The following PARP1 variants were observed in gnomAD, a reference collection of about 807,000 sequenced individuals.
PARP1 encodes poly(ADP-ribose) polymerase 1.
A neutral mutation model predicts 118.7 loss-of-function variants in PARP1; 44 were observed. That is an observed-to-expected ratio of 0.37 (90% confidence interval 0.29 to 0.48). PARP1 has a LOEUF of 0.48. PARP1 is among the 20% of genes least tolerant of loss of function. PARP1 has a pLI of 0.99. For synonymous variants in PARP1, 492 were observed against 483.2 expected (o/e 1.02, Z -0.24); for missense variants, 1,100 against 1,272.4 (o/e 0.86, Z 2.06).
Position 226,365,975 on chromosome 1 carries a change from C to T in PARP1, c.2484G>A (p.Ala828=), listed in dbSNP as rs140555704. The T allele has an allele frequency of 9.9e-5, 159 of 1,610,870 alleles. 1 individual carries two copies. The highest frequency in any genetic ancestry group is 6.6e-4 in the Middle Eastern group (4 of 6,054). The stretch of plus-strand genomic sequence containing the variant: ...TTACATCGATGACTTCCAAGTCATA[C>T]GCATTGTGTGTGGTTGCATGAGTGT... ...VKNTHATTHN[A]YDLEVIDIFK... The change falls in exon 18 of 23, where the codon GCG becomes GCA. Residue 828 remains alanine (A), a synonymous_variant. Coordinates refer to ENST00000366794, the MANE Select transcript of PARP1 (RefSeq NM_001618.4).
At chr1:226,371,907 C>T (rs1267278360) in intron 14 of PARP1, among the ~76,000 whole-genome samples, 1 of 152,250 alleles carries the variant, frequency 6.6e-6, no homozygotes, top group Non-Finnish European at 1.5e-5. Flanking sequence ...CACAGGCCGC[C>T]CTCACTACTG....
intron 7 of PARP1, among the ~76,000 whole-genome samples, chr1:226,384,008 G>A (rs1025339516): frequency 6.6e-6 from 1 of 152,258 alleles, no homozygotes; most frequent in Non-Finnish European, 1.5e-5. Flanking sequence ...ATTCGTGACT[G>A]AGCATCAGCT....
intron 7 of PARP1, among the ~76,000 whole-genome samples, chr1:226,384,736 C>T (rs11808699): frequency 1.3e-5 from 2 of 152,186 alleles, no homozygotes; most frequent in African/African-American, 4.8e-5. Flanking sequence ...TGGCAGTGAA[C>T]AAGTGAGCCA....
rs1262677082 is a variant in PARP1 at position 226,402,329 on chromosome 1, G to A, written c.171C>T (p.Phe57=). Residue 57 remains phenylalanine, a synonymous_variant, in exon 2 of 23, where the codon TTC becomes TTT. Coordinates refer to ENST00000366794, the MANE Select transcript of PARP1 (RefSeq NM_001618.4). The part of the protein sequence containing the change: ...KVPHWYHFSC[F]WKVGHSIRHP... ...GCCGGATGGAGTGGCCCACCTTCCA[G>A]AAGCAGGAGAAGTGGTACCAGTGTG... 6.2e-7 allele frequency: 1 copy of A among 1,613,966 alleles called. No homozygotes were observed. Among genetic ancestry groups the A allele is most frequent in the Non-Finnish European group, 8.5e-7 (1 of 1,180,040 alleles).
intron 1 of PARP1, among the ~76,000 whole-genome samples, chr1:226,407,109 G>A (rs1389159372): frequency 1.3e-5 from 2 of 152,136 alleles, no homozygotes; most frequent in African/African-American, 4.8e-5. Flanking sequence ...AACCTCAGAA[G>A]GGGATTCAAT....
rs758628731 is a variant in PARP1 at position 226,385,607 on chromosome 1, A to C, written c.908T>G (p.Val303Gly). 2.5e-6 allele frequency: 4 copies of C among 1,614,152 alleles called. No individual in the cohort carries two copies. The highest frequency in any genetic ancestry group is 3.4e-6 in the Non-Finnish European group (4 of 1,179,986). ...GCAGTAATAGGCATCGCTCTTGAAG[A>C]CCAGCTGACCCGAGCATTCCTCGCA... is the stretch of plus-strand genomic sequence containing the variant. ...LPCEECSGQL[V>G]FKSDAYYCTG... Residue 303 changes from valine (V) to glycine (G), a missense_variant, in exon 7 of 23, where the codon GTC (valine) becomes GGC (glycine). By Grantham distance (109) the Val-to-Gly change is moderately radical. Transcript: ENST00000366794.
intron 2 of PARP1, among the ~76,000 whole-genome samples, chr1:226,397,213 C>G (rs1296808882): frequency 3.3e-5 from 5 of 151,532 alleles, no homozygotes; most frequent in African/African-American, 1.2e-4. Flanking sequence ...CCTAGCTTCT[C>G]CAGAGGCTGA....
chr1:226,402,666 C>A (rs924258638), intron 1 of PARP1, among the ~76,000 whole-genome samples: 6 of 152,262 alleles, frequency 3.9e-5, no homozygotes, highest in Non-Finnish European at 5.9e-5. Context: ...CCTTTTACCA[C>A]TGAGCTCTGC....
chr1:226,396,540 A>G (rs960891266), intron 2 of PARP1, among the ~76,000 whole-genome samples: 2 of 152,158 alleles, frequency 1.3e-5, no homozygotes, highest in African/African-American at 2.4e-5. Context: ...CCACATGTTA[A>G]TAAGTCATTT....
intron 19 of PARP1, chr1:226,364,504 C>T: frequency 3.2e-6 from 1 of 312,614 alleles, no homozygotes; most frequent in Non-Finnish European, 6.3e-6. Flanking sequence ...CTGCACAGCC[C>T]CAGAGAGAAT....
intron 13 of PARP1, among the ~76,000 whole-genome samples, chr1:226,376,537 G>A (rs1015542904): frequency 3.9e-5 from 6 of 152,170 alleles, no homozygotes; most frequent in Admixed American, 2.0e-4. Flanking sequence ...TCTGAATTAC[G>A]TCCTATTGTT....
At chr1:226,373,482 GAGC>G (rs1300894244) in intron 14 of PARP1, among the ~76,000 whole-genome samples, 3 of 152,140 alleles carry the variant, frequency 2.0e-5, no homozygotes, top group Non-Finnish European at 4.4e-5. Context: ...CTGATGCTAG[GAGC>G]AGCAAGAACA....
At chr1:226,392,379 C>T in intron 2 of PARP1, 65 bp from the exon 3 acceptor site, 10 of 1,118,854 alleles carry the variant, frequency 8.9e-6, no homozygotes, top group East Asian at 2.3e-5. Context: ...AGAGGAGCCC[C>T]GTCCTCTTCT....
intron 12 of PARP1, 149 bp downstream of exon 12, chr1:226,378,993 G>C (rs776335385): frequency 2.7e-4 from 252 of 925,752 alleles, no homozygotes; most frequent in Non-Finnish European, 4.3e-4. Context: ...TTTAAGCAAA[G>C]GCCTTATAAT....
rs1301774927 is a variant in PARP1 at position 226,408,047 on chromosome 1, C to T, written c.-118G>A. On this transcript the variant is annotated 5_prime_UTR_variant, in exon 1 of 23. Coordinates refer to ENST00000366794, the MANE Select transcript of PARP1 (RefSeq NM_001618.4). ...GCAGGCGCCTGAGCGGCCAGAGCCG[C>T]CACCGAACACGCCGCACCGGCCACC... 4 of 1,437,506 alleles carry T rather than the reference C, an allele frequency of 2.8e-6. No individual in the cohort carries two copies. Among genetic ancestry groups the T allele is most frequent in the Non-Finnish European group, 3.8e-6 (4 of 1,043,986 alleles). The allele number at this position is 1,437,506 out of a possible 1,614,324, so 89.0% of individuals were successfully genotyped here. A position where few individuals can be genotyped will look rare whatever the true frequency, so the allele number is the denominator to read the frequency against.
intron 1 of PARP1, among the ~76,000 whole-genome samples, chr1:226,405,334 G>C (rs1037020111): frequency 4.0e-5 from 6 of 151,790 alleles, no homozygotes; most frequent in African/African-American, 1.5e-4. Context: ...GTCTGGGTCT[G>C]GGTCTGTCGC....
chr1:226,379,558 G>C lies in PARP1; in HGVS notation c.1612+15C>G, dbSNP rs755336586. On this transcript the variant is annotated intron_variant, in intron 11 of 22. Coordinates refer to ENST00000366794, the MANE Select transcript of PARP1 (RefSeq NM_001618.4). The stretch of plus-strand genomic sequence containing the variant: ...GGCGGCACAGCCCACTTTGCTGGCA[G>C]TCCTGTTTGCTTACCAGAATCAGGA... The C allele has an allele frequency of 1.2e-6, 2 of 1,604,588 alleles. No homozygotes were observed. Among genetic ancestry groups the C allele is most frequent in the South Asian group, 1.1e-5 (1 of 90,704 alleles).
chr1:226,365,189 G>A (rs764702351), intron 18 of PARP1, 35 bp from the exon 19 acceptor site: 1 of 1,612,278 alleles, frequency 6.2e-7, no homozygotes, highest in Non-Finnish European at 8.5e-7. Context: ...AAGGACAAAA[G>A]AAGCCATTTG....
intron 7 of PARP1, among the ~76,000 whole-genome samples, 168 bp downstream of exon 7, chr1:226,385,336 T>G (rs1045442700): frequency 6.6e-6 from 1 of 152,226 alleles, no homozygotes; most frequent in African/African-American, 2.4e-5. Context: ...TACATTTGCG[T>G]AGTTTGCAAA....
Sources: allele counts gnomAD v4.1 joint callset (sites outside exome capture counted in the v4.1 genomes callset), GRCh38; gene constraint gnomAD v4.1.1; transcripts MANE v1.5; gene names NCBI Gene and HGNC (gene_info 2026-07-23, HGNC 2026-07-21).